Variants in NRG1 observed in about 807,000 individuals in gnomAD.
The protein encoded by NRG1 is neuregulin 1, also known as pro-neuregulin-1, membrane-bound isoform.
NRG1 carries 18 observed loss-of-function variants against 63.8 expected under a neutral mutation model. The observed-to-expected ratio is 0.28, with a 90% confidence interval of 0.19 to 0.42. NRG1 has a LOEUF of 0.42. NRG1 is among the 10% of genes least tolerant of loss of function. NRG1 has a pLI of 1.00. For synonymous variants in NRG1, 302 were observed against 301.3 expected (o/e 1.00, Z -0.02); for missense variants, 762 against 814.7 (o/e 0.94, Z 0.79).
chr8:32,512,506 T>C (rs550649680), intron 1 of NRG1, among the ~76,000 whole-genome samples: 3 of 152,234 alleles, frequency 2.0e-5, no homozygotes, highest in South Asian at 2.1e-4. Context: ...CTAGCATTGA[T>C]TGAGCAATTA....
At chr8:32,387,269 A>G (rs1811137965) in intron 1 of NRG1, among the ~76,000 whole-genome samples, 1 of 152,252 alleles carries the variant, frequency 6.6e-6, no homozygotes, top group East Asian at 1.9e-4. Context: ...TATTGATGTG[A>G]CTATTGTGAT....
At position 32,616,734 on chromosome 8, in the gene NRG1, C is replaced by G. The variant is rs145961926; in HGVS notation, c.452-101C>G. The G allele has an allele frequency of 1.9e-3, 1,614 of 836,618 alleles. 15 individuals are homozygous for G. The African/African-American group carries it at 0.023, about 12-fold the overall frequency. 51.8% of individuals were successfully genotyped at this position (836,618 alleles called of 1,614,324 possible). ...AGCTTCTCTGTTGCACGGTGTTCTA[C>G]TACTCTTTTACTAGGCGATACCCAA... On this transcript the variant is annotated intron_variant, in intron 4 of 11. Coordinates refer to ENST00000356819, the Ensembl canonical transcript of NRG1.
At chr8:32,033,857 A>G (rs117756506) in intron 1 of NRG1, among the ~76,000 whole-genome samples, 2,087 of 152,300 alleles carry the variant, frequency 0.014, 15 homozygotes, top group Middle Eastern at 0.041. Flanking sequence ...AGCTGAGACA[A>G]TGGAGTTTTC....
chr8:32,750,152 C>T (rs1437643943), intron 7 of NRG1, among the ~76,000 whole-genome samples: 3 of 152,136 alleles, frequency 2.0e-5, no homozygotes, highest in Non-Finnish European at 4.4e-5. Context: ...CAAGCACCAC[C>T]CTAGTCAACT....
At chr8:32,207,738 A>T (rs1006184933) in intron 1 of NRG1, among the ~76,000 whole-genome samples, 1 of 152,228 alleles carries the variant, frequency 6.6e-6, no homozygotes, top group East Asian at 1.9e-4. Flanking sequence ...AGTTAAAAAT[A>T]TCTGACTGTT....
At chr8:32,510,606 T>C (rs909383694) in intron 1 of NRG1, among the ~76,000 whole-genome samples, 3 of 151,972 alleles carry the variant, frequency 2.0e-5, no homozygotes, top group Non-Finnish European at 4.4e-5. Context: ...GGTGAGGAAA[T>C]GGGGAAGTGC....
chr8:32,215,374 G>A (rs972809932), intron 1 of NRG1, among the ~76,000 whole-genome samples: 13 of 152,168 alleles, frequency 8.5e-5, no homozygotes, highest in Non-Finnish European at 1.9e-4. Flanking sequence ...GCATAGACTG[G>A]ACTCCTTCTA....
At chr8:32,164,524 T>C (rs970613012) in intron 1 of NRG1, among the ~76,000 whole-genome samples, 2 of 152,142 alleles carry the variant, frequency 1.3e-5, no homozygotes, top group Non-Finnish European at 2.9e-5. Context: ...AGGAGCAAAA[T>C]GAAGAGGCTG....
At chr8:32,588,636 C>G (rs918427308) in intron 1 of NRG1, among the ~76,000 whole-genome samples, 1 of 152,128 alleles carries the variant, frequency 6.6e-6, no homozygotes, top group Non-Finnish European at 1.5e-5. Context: ...TTCAGTAGTT[C>G]ATATACACAT....
chr8:32,748,048 C>T (rs1450763674), intron 7 of NRG1, among the ~76,000 whole-genome samples: 3 of 151,928 alleles, frequency 2.0e-5, no homozygotes, highest in African/African-American at 4.8e-5. Flanking sequence ...AAAAGTTCCA[C>T]GGCAGAGGCA....
intron 1 of NRG1, among the ~76,000 whole-genome samples, chr8:31,675,525 T>C (rs1807600308): frequency 6.6e-6 from 1 of 152,202 alleles, no homozygotes; most frequent in Admixed American, 6.5e-5. Context: ...TTTTCCCTAC[T>C]GAATTGACAT....
At chr8:31,778,795 G>A (rs1445558302) in intron 1 of NRG1, among the ~76,000 whole-genome samples, 1 of 152,214 alleles carries the variant, frequency 6.6e-6, no homozygotes, top group Non-Finnish European at 1.5e-5. Flanking sequence ...AAGCCAATGT[G>A]CAGAAGGCCT....
chr8:32,313,518 C>T (rs934265991), intron 1 of NRG1, among the ~76,000 whole-genome samples: 1 of 152,088 alleles, frequency 6.6e-6, no homozygotes, highest in Non-Finnish European at 1.5e-5. Context: ...ATGTCTTTTG[C>T]CACTAACTGA....
At chr8:32,456,644 A>G (rs1002164459) in intron 1 of NRG1, among the ~76,000 whole-genome samples, 3 of 152,224 alleles carry the variant, frequency 2.0e-5, no homozygotes, top group African/African-American at 4.8e-5. Context: ...TATAGACTAC[A>G]TATAACACAC....
intron 1 of NRG1, among the ~76,000 whole-genome samples, chr8:32,015,006 A>G (rs1226622654): frequency 6.6e-6 from 1 of 152,094 alleles, no homozygotes; most frequent in Non-Finnish European, 1.5e-5. Flanking sequence ...TCTCCCTCAC[A>G]GCATGCAAAA....
intron 1 of NRG1, among the ~76,000 whole-genome samples, chr8:32,169,668 A>G (rs1240807268): frequency 6.6e-6 from 1 of 152,226 alleles, no homozygotes; most frequent in Non-Finnish European, 1.5e-5. Flanking sequence ...CTAAAAGCCC[A>G]CTTTCTGGTC....
At chr8:31,665,737 CTTGTGTTTTGTTGCA>C (rs1024076361) in intron 1 of NRG1, among the ~76,000 whole-genome samples, 2 of 152,036 alleles carry the variant, frequency 1.3e-5, no homozygotes, top group African/African-American at 4.8e-5. Context: ...ATTTCTCATG[CTTGTGTTTTGTTGCA>C]TTGCGTTTAT....
intron 1 of NRG1, among the ~76,000 whole-genome samples, chr8:32,344,445 G>C (rs1586941328): frequency 8.3e-6 from 1 of 120,352 alleles, no homozygotes; most frequent in Admixed American, 8.2e-5. Context: ...GTGTGTGTGT[G>C]TGTGTGTGTG....
At chr8:32,101,790 G>A (rs1002924769) in intron 1 of NRG1, among the ~76,000 whole-genome samples, 5 of 152,124 alleles carry the variant, frequency 3.3e-5, no homozygotes, top group African/African-American at 4.8e-5. Flanking sequence ...ATAGAAATTA[G>A]GAAATGCCCT....
Sources: allele counts gnomAD v4.1 joint callset (sites outside exome capture counted in the v4.1 genomes callset), GRCh38; gene constraint gnomAD v4.1.1; transcripts MANE v1.5; gene names NCBI Gene and HGNC (gene_info 2026-07-23, HGNC 2026-07-21).